HEPACAM2: variants seen among roughly 807,000 people sequenced by gnomAD.
HEPACAM2 encodes mitotic kinetics regulator.
Under a neutral mutation model 49.6 loss-of-function variants are expected in HEPACAM2, and 49 were observed. The observed-to-expected ratio is 0.99, with a 90% CI of 0.78 to 1.25. HEPACAM2 has a LOEUF of 1.25. Among genes scored for constraint, HEPACAM2 ranks in the 50% most tolerant of loss-of-function variants. The probability of loss-of-function intolerance (pLI) is 0.00; values close to 1 mark genes in which losing one functional copy is unlikely to be tolerated. For synonymous variants in HEPACAM2, 197 were observed against 202.9 expected (o/e 0.97, Z 0.25); for missense variants, 525 against 557.2 (o/e 0.94, Z 0.58).
At chr7:93,202,033 A>AAC (rs1793903307) in intron 4 of HEPACAM2, among the ~76,000 whole-genome samples, 2 of 14,622 alleles carry the variant, frequency 1.4e-4, no homozygotes, top group African/African-American at 6.1e-4. Context: ...AAAAAAAACC[A>AAC]AAAAAAAAAA....
At position 93,197,591 on chromosome 7, in the gene HEPACAM2, C is replaced by G. The variant is rs868854412; in HGVS notation, c.1032G>C (p.Gln344His). 2.5e-6 allele frequency: 4 copies of G among 1,591,850 alleles called. No homozygotes were observed. In the African/African-American group the frequency reaches 5.4e-5, roughly 22 times the overall value. The change falls in exon 5 of 10, where the codon CAG becomes CAC. Residue 344 changes from glutamine (Q) to histidine (H), a missense_variant. By Grantham distance (24) the Gln-to-His change is conservative. Transcript: ENST00000394468. ...CTAAAGGTGACAATGATTTTCCTTT[C>G]TGTGCAAGCTTCTCCAGTCCTAAAT... ...ITSVGLEKLA[Q>H]KGKSLSPLAS...
intron 4 of HEPACAM2, among the ~76,000 whole-genome samples, chr7:93,206,397 G>T (rs991563137): frequency 3.9e-5 from 6 of 152,088 alleles, no homozygotes; most frequent in Non-Finnish European, 8.8e-5. Flanking sequence ...TTTCTCATAT[G>T]TTATTCTTAG....
At position 93,215,420 on chromosome 7, in the gene HEPACAM2, G is replaced by A. The variant is rs1250278514; in HGVS notation, c.696C>T (p.Ile232=). The part of the protein sequence containing the change: ...RNPVSEMESD[I]IMPIIYYGPY... ...ACTTACAATATATGATGGGCATAATGATATCACTTTCCATTTCACTGACAG... is the reference window on the plus strand; with the variant it reads ...ACTTACAATATATGATGGGCATAATAATATCACTTTCCATTTCACTGACAG... The change falls in exon 3 of 10, where the codon ATC becomes ATT. Residue 232 remains isoleucine, a synonymous_variant. Coordinates refer to ENST00000394468, the MANE Select transcript of HEPACAM2 (RefSeq NM_001039372.4). 3 of 1,613,418 alleles carry A rather than the reference G, an allele frequency of 1.9e-6. No individual in the cohort carries two copies. Among genetic ancestry groups the A allele is most frequent in the Non-Finnish European group, 2.5e-6 (3 of 1,179,674 alleles).
At chr7:93,201,650 C>T (rs1298500105) in intron 4 of HEPACAM2, among the ~76,000 whole-genome samples, 1 of 152,040 alleles carries the variant, frequency 6.6e-6, no homozygotes, top group African/African-American at 2.4e-5. Flanking sequence ...CCACTCTTAC[C>T]TAATCATTAT....
upstream of HEPACAM2, among the ~76,000 whole-genome samples, chr7:93,230,896 T>C (rs539116518): frequency 1.3e-5 from 2 of 152,254 alleles, no homozygotes; most frequent in Admixed American, 1.3e-4. Flanking sequence ...TCTGTTGGAG[T>C]AGAGAACTGG....
Position 93,219,353 on chromosome 7 carries a change from G to A in HEPACAM2, c.178C>T (p.Pro60Ser). The change falls in exon 2 of 10, where the codon CCA becomes TCA. Residue 60 changes from proline (P) to serine (S), a missense_variant. Coordinates refer to ENST00000394468, the MANE Select transcript of HEPACAM2 (RefSeq NM_001039372.4). The stretch of plus-strand genomic sequence containing the variant: ...CATATGATCTGGATGTCTGATGCTG[G>A]AGTGTGGAAGCCATAGTGGACGGGT... ...YLPVHYGFHTPASDIQIIWLF... is the reference protein window; with the variant it reads ...YLPVHYGFHTSASDIQIIWLF... The A allele has an allele frequency of 1.2e-6, 2 of 1,614,000 alleles. No individual in the cohort carries two copies. The highest frequency in any genetic ancestry group is 1.7e-6 in the Non-Finnish European group (2 of 1,179,956).
chr7:93,215,479 C>T lies in HEPACAM2; in HGVS notation c.637G>A (p.Asp213Asn). ...TLHIAPVTKE[D>N]IGNYSCLVRN... Reference sequence around the variant, plus strand: ...ACCAGGCAGCTGTAATTCCCAATGTCTTCCTTGGTTACTGGAGCAATATGA... The same window carrying T: ...ACCAGGCAGCTGTAATTCCCAATGTTTTCCTTGGTTACTGGAGCAATATGA... Residue 213 changes from aspartate to asparagine, a missense_variant, in exon 3 of 10, where the codon GAC becomes AAC. Coordinates refer to ENST00000394468, the MANE Select transcript of HEPACAM2 (RefSeq NM_001039372.4). 2.5e-6 allele frequency: 4 copies of T among 1,613,894 alleles called. No individual in the cohort carries two copies. The highest frequency in any genetic ancestry group is 3.4e-6 in the Non-Finnish European group (4 of 1,179,838).
chr7:93,226,066 A>C (rs1446990525), intron 1 of HEPACAM2: 7 of 550,710 alleles, frequency 1.3e-5, no homozygotes, highest in Non-Finnish European at 2.2e-5. Flanking sequence ...AGACTATTGA[A>C]CCTATATGTA....
chr7:93,219,139 G>A lies in HEPACAM2; in HGVS notation c.392C>T (p.Thr131Ile), dbSNP rs745779858. Residue 131 changes from threonine to isoleucine, a missense_variant, in exon 2 of 10, where the codon ACT becomes ATT. By Grantham distance (89) the Thr-to-Ile change is moderately conservative. Coordinates refer to ENST00000394468, the MANE Select transcript of HEPACAM2 (RefSeq NM_001039372.4). ...IVKVNIQGNG[T>I]LSASQKIQVT... ...TTGTATCTTCTGACTGGCAGATAGA[G>A]TTCCATTTCCCTGAATGTTGACCTT... The A allele has an allele frequency of 1.9e-6, 3 of 1,613,920 alleles. No individual in the cohort carries two copies. The East Asian group carries it at 6.7e-5, about 36-fold the overall frequency.
At chr7:93,228,855 G>A (rs982470972), upstream of HEPACAM2, among the ~76,000 whole-genome samples, 2 of 143,656 alleles carry the variant, frequency 1.4e-5, no homozygotes, top group African/African-American at 5.6e-5. Flanking sequence ...ATATACTCCT[G>A]TGCAGGAGGG....
intron 9 of HEPACAM2, among the ~76,000 whole-genome samples, chr7:93,191,957 C>G (rs1793559151): frequency 6.6e-6 from 1 of 152,006 alleles, no homozygotes; most frequent in Non-Finnish European, 1.5e-5. Context: ...CCTTTCATAC[C>G]CAGATGTGGA....
At chr7:93,208,151 C>T (rs571639821) in intron 4 of HEPACAM2, among the ~76,000 whole-genome samples, 4 of 151,982 alleles carry the variant, frequency 2.6e-5, no homozygotes, top group African/African-American at 9.6e-5. Context: ...GGAAGGGGAG[C>T]CCATGAAAGA....
chr7:93,227,173 G>A (rs78348740), upstream of HEPACAM2, among the ~76,000 whole-genome samples: 3,653 of 152,218 alleles, frequency 0.024, 52 homozygotes, highest in Non-Finnish European at 0.035. Flanking sequence ...GATGCATAGA[G>A]GAAGTGAACC....
chr7:93,217,881 T>A (rs1258940704), intron 2 of HEPACAM2, among the ~76,000 whole-genome samples: 3 of 88,210 alleles, frequency 3.4e-5, no homozygotes, highest in Non-Finnish European at 7.5e-5. Context: ...TGTGTCTGTG[T>A]GTGTGTGTGT....
At chr7:93,195,741 A>T (rs1175138906) in intron 8 of HEPACAM2, 87 bp downstream of exon 8, 3 of 972,036 alleles carry the variant, frequency 3.1e-6, no homozygotes, top group East Asian at 2.4e-5. Flanking sequence ...ATTTGACCAC[A>T]CTGCCCAGTG....
intron 1 of HEPACAM2, among the ~76,000 whole-genome samples, chr7:93,224,641 T>A (rs972158244): frequency 6.6e-6 from 1 of 152,164 alleles, no homozygotes; most frequent in Non-Finnish European, 1.5e-5. Context: ...TTATCTATAT[T>A]CCAGCAACAA....
Position 93,219,310 on chromosome 7 carries a change from T to C in HEPACAM2, c.221A>G (p.His74Arg), listed in dbSNP as rs1584354684. Reference sequence around the variant, plus strand: ...GCCCAGTAAGTATTTGGGCATTGTGTGGGGTCTCTCAAATAGCCATATGAT... The same window carrying C: ...GCCCAGTAAGTATTTGGGCATTGTGCGGGGTCTCTCAAATAGCCATATGAT... ...IQIIWLFERPHTMPKYLLGSV... is the reference protein window; with the variant it reads ...IQIIWLFERPRTMPKYLLGSV... The change falls in exon 2 of 10, where the codon CAC becomes CGC. Residue 74 changes from histidine to arginine, a missense_variant. Physicochemically the swap from His to Arg is conservative, Grantham distance 29. Coordinates refer to ENST00000394468, the MANE Select transcript of HEPACAM2 (RefSeq NM_001039372.4). 6.2e-7 allele frequency: 1 copy of C among 1,613,852 alleles called. No homozygotes were observed. The highest frequency in any genetic ancestry group is 1.3e-5 in the African/African-American group (1 of 74,876).
At chr7:93,191,088 C>A (rs921841519) in intron 9 of HEPACAM2, among the ~76,000 whole-genome samples, 2 of 151,984 alleles carry the variant, frequency 1.3e-5, no homozygotes, top group African/African-American at 4.8e-5. Flanking sequence ...CAAACTTCCC[C>A]TAGTTTTCTA....
At position 93,219,376 on chromosome 7, in the gene HEPACAM2, G is replaced by A. The variant is rs770940799; in HGVS notation, c.155C>T (p.Pro52Leu). ...HGVRGQALYLPVHYGFHTPAS... is the reference protein window; with the variant it reads ...HGVRGQALYLLVHYGFHTPAS... ...TGGAGTGTGGAAGCCATAGTGGACG[G>A]GTAGGTAGAGGGCCTGACCTCTGAC... The change falls in exon 2 of 10, where the codon CCC (proline) becomes CTC (leucine). Residue 52 changes from proline to leucine, a missense_variant. Physicochemically the swap from Pro to Leu is moderately conservative, Grantham distance 98. Coordinates refer to ENST00000394468, the MANE Select transcript of HEPACAM2 (RefSeq NM_001039372.4). The A allele has an allele frequency of 9.3e-6, 15 of 1,613,860 alleles. No individual in the cohort carries two copies. The highest frequency in any genetic ancestry group is 1.7e-5 in the Admixed American group (1 of 59,966).
Sources: gnomAD v4.1 joint callset for allele counts (sites outside exome capture counted in the v4.1 genomes callset) on GRCh38, gnomAD v4.1.1 for gene constraint, MANE v1.5 for transcripts, NCBI Gene and HGNC (gene_info 2026-07-23, HGNC 2026-07-21) for gene names.